Variants in WWOX observed in about 807,000 individuals in gnomAD.
WWOX encodes WW domain containing oxidoreductase, also known as WW domain-containing oxidoreductase.
A neutral mutation model predicts 46.2 loss-of-function variants in WWOX; 69 were observed. The ratio of observed to expected loss-of-function variants is 1.49; its 90% CI spans 1.23 to 1.82. The LOEUF is 1.82. Among genes scored for constraint, WWOX ranks in the 40% most tolerant of loss-of-function variants. The pLI is 0.00. For synonymous variants in WWOX, 359 were observed against 202.6 expected, an observed-to-expected ratio of 1.77 and a Z score of -6.56; for missense variants, 919 against 542.6, an observed-to-expected ratio of 1.69 and a Z score of -6.89.
rs183660368 is a variant in WWOX, at chr16:78,297,161, C to G, written c.517-89699C>G. ...TCCTGGGGAGTCATTGACACCCACA[C>G]ACTCCTAGTCACAAGACCTTTCCCT... On this transcript the variant is annotated intron_variant, in intron 5 of 8. Transcript: ENST00000566780. 5.9e-5 allele frequency among the ~76,000 whole-genome samples: 9 copies of G among 152,262 alleles called. No homozygotes were observed. The East Asian group carries it at 1.7e-3, about 29-fold the overall frequency.
intron 5 of WWOX, among the ~76,000 whole-genome samples, chr16:78,328,776 C>G (rs948231524): frequency 1.3e-5 from 2 of 152,146 alleles, no homozygotes; most frequent in Non-Finnish European, 2.9e-5. Context: ...TCAGCACCTC[C>G]AGTTTTTCCT....
chr16:78,905,704 G>A (rs1054943561), intron 8 of WWOX, among the ~76,000 whole-genome samples: 1 of 152,098 alleles, frequency 6.6e-6, no homozygotes, highest in Admixed American at 6.5e-5. Context: ...ATTAATAAAA[G>A]GATGGACCAT....
intron 8 of WWOX, among the ~76,000 whole-genome samples, chr16:78,832,206 G>A (rs1205061829): frequency 6.6e-6 from 1 of 152,064 alleles, no homozygotes; most frequent in African/African-American, 2.4e-5. Context: ...GTGTCCAAGG[G>A]GCTCACTGAT....
At chr16:78,613,487 C>T (rs528152948) in intron 8 of WWOX, among the ~76,000 whole-genome samples, 32 of 152,258 alleles carry the variant, frequency 2.1e-4, no homozygotes, top group African/African-American at 6.7e-4. Context: ...TGCCAGTTTC[C>T]TCTCCCCCTT....
At chr16:78,453,457 T>C (rs1327987458) in intron 8 of WWOX, among the ~76,000 whole-genome samples, 1 of 152,014 alleles carries the variant, frequency 6.6e-6, no homozygotes, top group Non-Finnish European at 1.5e-5. Context: ...TCAGTTGATT[T>C]AAGATGGTTT....
intron 5 of WWOX, among the ~76,000 whole-genome samples, chr16:78,331,538 G>C (rs1427012570): frequency 6.6e-6 from 1 of 152,146 alleles, no homozygotes; most frequent in Non-Finnish European, 1.5e-5. Context: ...CCTTGTATAG[G>C]TACAAAGGTG....
intron 5 of WWOX, among the ~76,000 whole-genome samples, chr16:78,270,855 T>C (rs1226972615): frequency 6.6e-6 from 1 of 152,190 alleles, no homozygotes; most frequent in Non-Finnish European, 1.5e-5. Flanking sequence ...AAGAAGGCTG[T>C]GTGCCAGAGA....
chr16:78,441,959 AGT>A (rs145693201), intron 8 of WWOX, among the ~76,000 whole-genome samples: 6,341 of 138,984 alleles, frequency 0.046, 195 homozygotes, highest in East Asian at 0.11. Flanking sequence ...TATGCGCATG[AGT>A]GTGTGTGTGT....
chr16:78,603,440 A>G (rs531876106), intron 8 of WWOX, among the ~76,000 whole-genome samples: 8 of 152,216 alleles, frequency 5.3e-5, no homozygotes, highest in Non-Finnish European at 1.0e-4. Context: ...CATGCCTGCA[A>G]TCCCAGCATT....
chr16:78,702,007 T>TTACATATATATATATA (rs1491150899), intron 8 of WWOX, among the ~76,000 whole-genome samples: 24 of 57,630 alleles, frequency 4.2e-4, no homozygotes, highest in African/African-American at 1.5e-3. Context: ...CTACATAAAA[T>TTACATATATATATATA]TATATATATA....
intron 5 of WWOX, among the ~76,000 whole-genome samples, chr16:78,245,499 G>C (rs543343062): frequency 6.6e-6 from 1 of 152,312 alleles, no homozygotes; most frequent in South Asian, 2.1e-4. Context: ...AGAGCACCTT[G>C]AGCTTGGCTT....
At chr16:78,536,867 G>A (rs942955480) in intron 8 of WWOX, among the ~76,000 whole-genome samples, 1 of 148,842 alleles carries the variant, frequency 6.7e-6, no homozygotes, top group Admixed American at 6.7e-5. Flanking sequence ...GTCGTTTATT[G>A]AGTACTTAGT....
rs547054303 is a variant in WWOX, at chr16:78,346,341, C to G, written c.517-40519C>G. On this transcript the variant is annotated intron_variant, in intron 5 of 8. Transcript: ENST00000566780. ...TGTTGTAAATGGATACTAATGTGAA[C>G]GAAGCCACCGTGAATATTGATGCAC... Among the ~76,000 whole-genome samples, 2 of 120,738 alleles carry G rather than the reference C, an allele frequency of 1.7e-5. 1 individual carries two copies. Among genetic ancestry groups the G allele is most frequent in the Non-Finnish European group, 4.0e-5 (2 of 50,516 alleles). 79.2% of individuals were successfully genotyped at this position (120,738 alleles called of 152,430 possible).
intron 8 of WWOX, among the ~76,000 whole-genome samples, chr16:78,947,963 T>C (rs1054271571): frequency 3.3e-5 from 5 of 152,074 alleles, no homozygotes; most frequent in African/African-American, 4.8e-5. Flanking sequence ...ATTTCTTAGA[T>C]GTGAGGTCCA....
intron 8 of WWOX, among the ~76,000 whole-genome samples, chr16:79,136,384 T>G (rs1336069847): frequency 1.3e-5 from 2 of 151,972 alleles, no homozygotes; most frequent in African/African-American, 2.4e-5. Context: ...GCATGCACCA[T>G]CACACCCAGC....
chr16:78,698,823 G>A (rs1263619797), intron 8 of WWOX, among the ~76,000 whole-genome samples: 1 of 152,130 alleles, frequency 6.6e-6, no homozygotes, highest in Non-Finnish European at 1.5e-5. Flanking sequence ...CTGCACTCCA[G>A]CTGGGCAACA....
At position 78,460,607 on chromosome 16, in the gene WWOX, T is replaced by G. The variant is rs557215024; in HGVS notation, c.1056+27855T>G. Among the ~76,000 whole-genome samples, 297 of 152,294 alleles carry G rather than the reference T, an allele frequency of 2.0e-3. 1 individual carries two copies. Among genetic ancestry groups the G allele is most frequent in the African/African-American group, 6.8e-3 (284 of 41,570 alleles). On this transcript the variant is annotated intron_variant, in intron 8 of 8. Coordinates refer to ENST00000566780, the MANE Select transcript of WWOX (RefSeq NM_016373.4). ...GAACACTGGCCTGAATGACTCAGAC[T>G]TGGAGCTTGAAAGAGGGAGAACTGA...
chr16:78,781,762 G>A (rs1039912127), intron 8 of WWOX, among the ~76,000 whole-genome samples: 16 of 152,202 alleles, frequency 1.1e-4, no homozygotes, highest in Middle Eastern at 6.8e-3. Context: ...GCAACAGAGC[G>A]AGGCTCCATC....
chr16:78,296,879 C>A (rs539745573), intron 5 of WWOX, among the ~76,000 whole-genome samples: 1 of 152,168 alleles, frequency 6.6e-6, no homozygotes, highest in Non-Finnish European at 1.5e-5. Flanking sequence ...ATAAGAGTAG[C>A]TGGAGCAGAG....
Sources: gnomAD v4.1 joint callset for allele counts (sites outside exome capture counted in the v4.1 genomes callset) on GRCh38, gnomAD v4.1.1 for gene constraint, MANE v1.5 for transcripts, NCBI Gene and HGNC (gene_info 2026-07-23, HGNC 2026-07-21) for gene names.